Variants in XKR6 observed in about 807,000 individuals in gnomAD.
The protein encoded by XKR6 is XK related 6, also known as XK-related protein 6.
Under a neutral mutation model 56.7 loss-of-function variants are expected in XKR6, and 22 were observed. The ratio of observed to expected loss-of-function variants is 0.39; its 90% CI spans 0.28 to 0.55. The LOEUF (loss-of-function observed/expected upper bound fraction) is 0.55. XKR6 is among the 20% of genes least tolerant of loss of function. The pLI, the probability that XKR6 is intolerant of heterozygous loss-of-function variation, is 0.66. For synonymous variants in XKR6, 524 were observed against 387.8 expected (o/e 1.35, Z -4.13); for missense variants, 852 against 889.0 (o/e 0.96, Z 0.53).
At chr8:11,131,498 G>A (rs192893737) in intron 1 of XKR6, among the ~76,000 whole-genome samples, 2 of 152,176 alleles carry the variant, frequency 1.3e-5, no homozygotes, top group South Asian at 2.1e-4. Context: ...TAAAGCTAAC[G>A]TTTTAAAAAA....
At chr8:11,097,099 G>C (rs1324199594) in intron 1 of XKR6, among the ~76,000 whole-genome samples, 2 of 152,206 alleles carry the variant, frequency 1.3e-5, no homozygotes, top group Non-Finnish European at 2.9e-5. Context: ...AGATAGTCAA[G>C]TAAGTTTGTC....
At chr8:11,098,323 G>A (rs993687190) in intron 1 of XKR6, among the ~76,000 whole-genome samples, 1 of 152,098 alleles carries the variant, frequency 6.6e-6, no homozygotes, top group East Asian at 1.9e-4. Context: ...GACTGAGCTG[G>A]AGGCCTGTCA....
chr8:11,063,819 C>G (rs1799909320), intron 1 of XKR6, among the ~76,000 whole-genome samples: 1 of 152,206 alleles, frequency 6.6e-6, no homozygotes, highest in South Asian at 2.1e-4. Flanking sequence ...CACAGATACT[C>G]TCCATTTGCT....
intron 1 of XKR6, among the ~76,000 whole-genome samples, chr8:11,053,080 G>C (rs1055280150): frequency 2.0e-5 from 3 of 152,180 alleles, no homozygotes; most frequent in East Asian, 1.9e-4. Flanking sequence ...TGTGCACCCA[G>C]GGTGCAGCCA....
intron 1 of XKR6, among the ~76,000 whole-genome samples, chr8:11,036,936 G>C (rs1028504645): frequency 6.6e-6 from 1 of 152,204 alleles, no homozygotes; most frequent in South Asian, 2.1e-4. Flanking sequence ...AACCGCTCTG[G>C]CGAGCTCTCT....
At chr8:11,164,850 C>T (rs1205386488) in intron 1 of XKR6, among the ~76,000 whole-genome samples, 1 of 152,160 alleles carries the variant, frequency 6.6e-6, no homozygotes, top group Admixed American at 6.5e-5. Flanking sequence ...ATACCAACAC[C>T]ATCACTTAAT....
At chr8:11,026,369 T>C (rs371576613) in intron 1 of XKR6, among the ~76,000 whole-genome samples, 835 of 150,718 alleles carry the variant, frequency 5.5e-3, no homozygotes, top group African/African-American at 0.018. Context: ...CACACCTAAA[T>C]GGTCTGGCCT....
chr8:10,915,338 G>A (rs1051246397), intron 2 of XKR6, among the ~76,000 whole-genome samples: 9 of 109,996 alleles, frequency 8.2e-5, no homozygotes, highest in Admixed American at 3.1e-4. Context: ...TAAACTTGCC[G>A]TTGTCAGAGC....
intron 2 of XKR6, among the ~76,000 whole-genome samples, chr8:10,923,404 T>G (rs1800782340): frequency 6.6e-6 from 1 of 151,952 alleles, no homozygotes; most frequent in Admixed American, 6.6e-5. Flanking sequence ...GACATGAGGC[T>G]TCACCTGAGC....
intron 1 of XKR6, among the ~76,000 whole-genome samples, chr8:10,943,506 C>T (rs1291202088): frequency 6.6e-6 from 1 of 152,152 alleles, no homozygotes; most frequent in Admixed American, 6.5e-5. Context: ...GTATCTGCTC[C>T]TGCTGTCCCC....
intron 1 of XKR6, among the ~76,000 whole-genome samples, chr8:10,956,997 C>T (rs1216350023): frequency 2.0e-5 from 3 of 152,154 alleles, no homozygotes; most frequent in African/African-American, 7.2e-5. Flanking sequence ...GTCACCCAGG[C>T]TTGAGTGCAG....
chr8:11,037,735 G>C (rs965430249), intron 1 of XKR6, among the ~76,000 whole-genome samples: 3 of 152,086 alleles, frequency 2.0e-5, no homozygotes, highest in Non-Finnish European at 4.4e-5. Flanking sequence ...GCGTGCGCCT[G>C]TAATCCCAGC....
intron 1 of XKR6, among the ~76,000 whole-genome samples, chr8:11,165,952 T>C (rs1485968289): frequency 6.7e-6 from 1 of 149,142 alleles, no homozygotes; most frequent in African/African-American, 2.5e-5. Flanking sequence ...TATATATAGT[T>C]TTTTGGGTTT....
At chr8:11,040,502 A>G (rs575108540) in intron 1 of XKR6, among the ~76,000 whole-genome samples, 31 of 152,266 alleles carry the variant, frequency 2.0e-4, no homozygotes, top group African/African-American at 7.2e-4. Context: ...ACAGTACTCC[A>G]GCCTGGGTGA....
chr8:10,944,478 C>A (rs1801475272), intron 1 of XKR6, among the ~76,000 whole-genome samples: 1 of 152,162 alleles, frequency 6.6e-6, no homozygotes, highest in South Asian at 2.1e-4. Flanking sequence ...CCACTCCAGC[C>A]ATTCACCACA....
rs146209181 is a variant in XKR6, at chr8:11,123,878, C to G, written c.764+76698G>C. ...GTCCCCACCTGGCACCTGCACTGTG[C>G]TCTCTCTTCTGGGACTGCCCTTCCC... On this transcript the variant is annotated intron_variant, in intron 1 of 2. Transcript: ENST00000416569. 9.4e-3 allele frequency: 4,296 copies of G among 456,300 alleles called. 48 individuals carry two copies. The highest frequency in any genetic ancestry group is 0.031 in the African/African-American group (1,570 of 50,204). 28.3% of individuals were successfully genotyped at this position (456,300 alleles called of 1,614,324 possible). A position where few individuals can be genotyped will look rare whatever the true frequency, so the allele number is the denominator to read the frequency against.
At chr8:11,041,279 C>A (rs1006959736) in intron 1 of XKR6, among the ~76,000 whole-genome samples, 1 of 152,198 alleles carries the variant, frequency 6.6e-6, no homozygotes, top group African/African-American at 2.4e-5. Flanking sequence ...GACATCAGGC[C>A]GGGCGCGGTG....
chr8:10,924,927 C>G, intron 1 of XKR6, 97 bp from the exon 2 acceptor site: 3 of 1,318,848 alleles, frequency 2.3e-6, no homozygotes, highest in Non-Finnish European at 3.1e-6. Context: ...ACTCAGCATC[C>G]CCCCAACTCC....
chr8:11,085,359 G>C (rs539815712), intron 1 of XKR6, among the ~76,000 whole-genome samples: 1 of 152,196 alleles, frequency 6.6e-6, no homozygotes, highest in African/African-American at 2.4e-5. Flanking sequence ...TGCGGTTGCT[G>C]CTCTCAAGAA....
Sources: allele counts gnomAD v4.1 joint callset (sites outside exome capture counted in the v4.1 genomes callset), GRCh38; gene constraint gnomAD v4.1.1; transcripts MANE v1.5; gene names NCBI Gene and HGNC (gene_info 2026-07-23, HGNC 2026-07-21).